ZNF385D: variants seen among roughly 807,000 people sequenced by gnomAD.
The protein encoded by ZNF385D is zinc finger protein 385D, also known as zinc finger protein 659.
In ZNF385D, 15 loss-of-function variants were observed where a neutral mutation model predicts 35.8. The ratio of observed to expected loss-of-function variants is 0.42; its 90% confidence interval spans 0.28 to 0.64. ZNF385D has a LOEUF of 0.64. Ranked by LOEUF, ZNF385D falls within the 30% of genes least tolerant of loss-of-function variation. The pLI, the probability that ZNF385D is intolerant of heterozygous loss-of-function variation, is 0.23. For missense variants in ZNF385D, 474 were observed against 494.6 expected, an observed-to-expected ratio of 0.96 and a Z score of 0.39; for synonymous variants, 212 against 186.8, an observed-to-expected ratio of 1.13 and a Z score of -1.10.
At chr3:21,588,112 A>G (rs2063865066) in intron 2 of ZNF385D, among the ~76,000 whole-genome samples, 1 of 152,128 alleles carries the variant, frequency 6.6e-6, no homozygotes, top group South Asian at 2.1e-4. Flanking sequence ...AGTGGGGATG[A>G]CAAATGTATG....
At chr3:21,734,286 T>G (rs1313388213) in intron 1 of ZNF385D, among the ~76,000 whole-genome samples, 2 of 7,652 alleles carry the variant, frequency 2.6e-4, no homozygotes, top group Non-Finnish European at 3.8e-4. Context: ...ACACTCAGGG[T>G]TTTTTTTTTC....
chr3:21,816,931 C>G (rs1336415094), intron 3 of ZNF385D, among the ~76,000 whole-genome samples: 1 of 152,104 alleles, frequency 6.6e-6, no homozygotes, highest in East Asian at 1.9e-4. Flanking sequence ...TGACTTCAAA[C>G]TATAGTACAA....
chr3:21,982,650 T>A (rs895822666), intron 3 of ZNF385D, among the ~76,000 whole-genome samples: 2 of 152,180 alleles, frequency 1.3e-5, no homozygotes, highest in African/African-American at 2.4e-5. Context: ...GACAGCATAC[T>A]TGTCTTGAGC....
At chr3:22,067,894 C>A (rs1386832879) in intron 3 of ZNF385D, among the ~76,000 whole-genome samples, 1 of 151,960 alleles carries the variant, frequency 6.6e-6, no homozygotes, top group Non-Finnish European at 1.5e-5. Flanking sequence ...TGGTGGCACA[C>A]CTGTAGCACT....
chr3:22,077,508 T>C (rs1700522780), intron 3 of ZNF385D, among the ~76,000 whole-genome samples: 1 of 152,036 alleles, frequency 6.6e-6, no homozygotes, highest in Non-Finnish European at 1.5e-5. Flanking sequence ...CAATAGATTA[T>C]TCCAGAAATT....
intron 1 of ZNF385D, among the ~76,000 whole-genome samples, chr3:21,739,599 A>G (rs1367214231): frequency 6.6e-6 from 1 of 152,214 alleles, no homozygotes; most frequent in African/African-American, 2.4e-5. Context: ...ACAAAAAAAC[A>G]TTAGTATTGA....
At position 22,010,495 on chromosome 3, in the gene ZNF385D, G is replaced by C. The variant is rs139064210; in HGVS notation, c.325+158322C>G. On this transcript the variant is annotated intron_variant, in intron 3 of 5. Transcript: ENST00000494108. ...AAAGATAAATCAAGAGACACCTATT[G>C]AGTTTCCTCTATCTAGGCTCAGACT... is the stretch of plus-strand genomic sequence containing the variant. 2.5e-3 allele frequency among the ~76,000 whole-genome samples: 384 copies of C among 152,302 alleles called. 2 individuals carry two copies. Among genetic ancestry groups the C allele is most frequent in the African/African-American group, 8.8e-3 (366 of 41,564 alleles).
chr3:21,556,476 G>A (rs1421769357), intron 3 of ZNF385D, among the ~76,000 whole-genome samples: 1 of 152,146 alleles, frequency 6.6e-6, no homozygotes, highest in Non-Finnish European at 1.5e-5. Flanking sequence ...TTATTAAATA[G>A]GGAAGCCTTT....
intron 3 of ZNF385D, among the ~76,000 whole-genome samples, chr3:22,159,652 T>G (rs531977236): frequency 2.0e-5 from 3 of 152,176 alleles, no homozygotes; most frequent in African/African-American, 7.2e-5. Context: ...TGAAAAAAAT[T>G]GGTAACAAAA....
chr3:21,894,503 A>T (rs1222532466), intron 3 of ZNF385D, among the ~76,000 whole-genome samples: 2 of 151,538 alleles, frequency 1.3e-5, no homozygotes, highest in African/African-American at 4.8e-5. Flanking sequence ...TGTGATGAAA[A>T]CACACTTTTA....
At chr3:21,802,157 A>C (rs547716836) in intron 3 of ZNF385D, among the ~76,000 whole-genome samples, 6 of 152,306 alleles carry the variant, frequency 3.9e-5, no homozygotes, top group Non-Finnish European at 4.4e-5. Flanking sequence ...TTAATGGCTC[A>C]TCAAATTAAT....
intron 3 of ZNF385D, among the ~76,000 whole-genome samples, chr3:21,817,712 T>G (rs1013946626): frequency 6.6e-6 from 1 of 152,140 alleles, no homozygotes; most frequent in Non-Finnish European, 1.5e-5. Context: ...TAGGAACACT[T>G]TTACACTGTT....
At chr3:22,026,060 C>T (rs902842153) in intron 3 of ZNF385D, among the ~76,000 whole-genome samples, 4 of 152,060 alleles carry the variant, frequency 2.6e-5, no homozygotes, top group Admixed American at 6.6e-5. Flanking sequence ...AGAGCTCTGG[C>T]ATTGTCTAAT....
chr3:22,242,264 A>G (rs1259841032), intron 2 of ZNF385D, among the ~76,000 whole-genome samples: 1 of 151,198 alleles, frequency 6.6e-6, no homozygotes, highest in Non-Finnish European at 1.5e-5. Context: ...TAAGAAGGTG[A>G]TTACTGTTTG....
chr3:22,018,956 G>T (rs985460087), intron 3 of ZNF385D, among the ~76,000 whole-genome samples: 3 of 146,748 alleles, frequency 2.0e-5, no homozygotes, highest in Non-Finnish European at 3.0e-5. Flanking sequence ...ACTCCTTTCC[G>T]TCTCTACCCA....
rs148353298 is a variant in ZNF385D, at chr3:22,240,094, G to T, written c.107-71059C>A. Among the ~76,000 whole-genome samples the T allele has an allele frequency of 5.5e-4, 80 of 145,822 alleles. 3 individuals carry two copies. Among genetic ancestry groups the T allele is most frequent in the African/African-American group, 2.0e-3 (77 of 38,836 alleles). ...GCTACTCAGGAGGCTGACGTGGGAG[G>T]ATCACCTGAGCCCAGGAGGTCAAGG... On this transcript the variant is annotated intron_variant, in intron 2 of 5. Transcript: ENST00000494108.
chr3:22,150,344 GCTTT>G (rs755832799), intron 3 of ZNF385D, among the ~76,000 whole-genome samples: 108 of 151,758 alleles, frequency 7.1e-4, no homozygotes, highest in Non-Finnish European at 1.2e-3. Flanking sequence ...GAATAGTTTT[GCTTT>G]ATTTATATAA....
At chr3:21,957,490 G>A (rs937375591) in intron 3 of ZNF385D, among the ~76,000 whole-genome samples, 20 of 152,034 alleles carry the variant, frequency 1.3e-4, no homozygotes, top group African/African-American at 4.1e-4. Context: ...AGGCTGAGGT[G>A]GTCTCAGATG....
At chr3:21,446,807 T>TA (rs35779388) in intron 4 of ZNF385D, among the ~76,000 whole-genome samples, 140,208 of 151,944 alleles carry the variant, frequency 0.92, 64,784 homozygotes, top group East Asian at 1. Flanking sequence ...CAAACTTTTC[T>TA]TTGAGAGATG....
Sources: allele counts gnomAD v4.1 joint callset (sites outside exome capture counted in the v4.1 genomes callset), GRCh38; gene constraint gnomAD v4.1.1; transcripts MANE v1.5; gene names NCBI Gene and HGNC (gene_info 2026-07-23, HGNC 2026-07-21).